Variants in TMX3 observed in about 807,000 individuals in gnomAD.
The protein encoded by TMX3 is protein disulfide-isomerase TMX3.
TMX3 carries 40 observed loss-of-function variants against 64.4 expected under a neutral mutation model. That is an observed-to-expected ratio of 0.62 (90% confidence interval 0.48 to 0.81). TMX3 has a LOEUF of 0.81. Ranked by LOEUF, TMX3 falls within the 30% of genes least tolerant of loss-of-function variation. The pLI is 0.00. For missense variants in TMX3, 497 were observed against 534.5 expected, an observed-to-expected ratio of 0.93 and a Z score of 0.69; for synonymous variants, 189 against 175.7, an observed-to-expected ratio of 1.08 and a Z score of -0.60.
chr18:68,700,123 G>A (rs922995954), intron 6 of TMX3, among the ~76,000 whole-genome samples: 3 of 151,942 alleles, frequency 2.0e-5, no homozygotes, highest in Non-Finnish European at 2.9e-5. Context: ...ACACGTAATC[G>A]AAATCTGGAA....
chr18:68,697,292 T>C lies in TMX3; in HGVS notation c.504A>G (p.Ile168Met). 2 of 1,562,890 alleles carry C rather than the reference T, an allele frequency of 1.3e-6. No homozygotes were observed. Among genetic ancestry groups the C allele is most frequent in the Middle Eastern group, 1.7e-4 (1 of 5,896 alleles). Residue 168 changes from isoleucine to methionine, a missense_variant, in exon 8 of 16, where the codon ATA (isoleucine) becomes ATG (methionine). By Grantham distance (10) the Ile-to-Met change is conservative (BLOSUM62 1). Coordinates refer to ENST00000299608, the MANE Select transcript of TMX3 (RefSeq NM_019022.5). ...GGESPLKEKYIDAASELIVYT... is the reference protein window; with the variant it reads ...GGESPLKEKYMDAASELIVYT... ...ATACAATCAATTCTGAAGCAGCATC[T>C]ATGTATTTCTCCTATGAAGATACAA...
At chr18:68,705,399 G>A (rs2030565500) in intron 4 of TMX3, among the ~76,000 whole-genome samples, 1 of 152,192 alleles carries the variant, frequency 6.6e-6, no homozygotes, top group Non-Finnish European at 1.5e-5. Context: ...CCCTGAAACA[G>A]TCACTGACCA....
chr18:68,687,369 G>T (rs1238746633), intron 10 of TMX3: 2 of 985,178 alleles, frequency 2.0e-6, no homozygotes, highest in African/African-American at 3.5e-5. Context: ...TACAAAATCA[G>T]TTCTGAGTAC....
rs1262147001 is a variant in TMX3 at position 68,682,832 on chromosome 18, AT to A, written c.905+92del. 9.5e-6 allele frequency: 10 copies of A among 1,057,718 alleles called. No homozygotes were observed. The African/African-American group carries it at 1.3e-4, about 14-fold the overall frequency. 65.5% of individuals were successfully genotyped at this position (1,057,718 alleles called of 1,614,324 possible). On this transcript the variant is annotated intron_variant, in intron 13 of 15. Transcript: ENST00000299608. ...CATCTGAATATGTCAACTGTTTGCT[AT>A]TTTTCAGCTATTTAATCCTTCTACC...
At chr18:68,677,753 A>C (rs1913059842) in intron 15 of TMX3, among the ~76,000 whole-genome samples, 1 of 152,184 alleles carries the variant, frequency 6.6e-6, no homozygotes, top group African/African-American at 2.4e-5. Context: ...TTCAACTAGA[A>C]TATACTGCAT....
At position 68,679,535 on chromosome 18, in the gene TMX3, C is replaced by CA. The variant is rs1913225331; in HGVS notation, c.1036-5dup. ...AAATGCTATCACCTCCTTGGGCCTT[C>CA]AAAAAAGGAAAAGAAAAATAAATTA... On this transcript the variant is annotated splice_polypyrimidine_tract_variant and splice_region_variant and intron_variant, in intron 14 of 15. Transcript: ENST00000299608. The CA allele has an allele frequency of 6.2e-7, 1 of 1,606,430 alleles. No individual in the cohort carries two copies. Among genetic ancestry groups the CA allele is most frequent in the Admixed American group, 1.7e-5 (1 of 58,690 alleles).
At chr18:68,680,889 C>A in intron 14 of TMX3, 92 bp downstream of exon 14, 1 of 1,307,884 alleles carries the variant, frequency 7.6e-7, no homozygotes, top group Non-Finnish European at 1.0e-6. Flanking sequence ...TGATGGCCAA[C>A]TATTCTTTTC....
At chr18:68,697,177 T>C in intron 8 of TMX3, 49 bp downstream of exon 8, 1 of 948,382 alleles carries the variant, frequency 1.1e-6, no homozygotes. Flanking sequence ...AATCAAGTAA[T>C]AATTTAATAA....
chr18:68,677,195 T>C lies in TMX3; in HGVS notation c.1105-2A>G. ...CAGTGGTGAGCTCTTGAATATAGACTGTGGAAAGAGAATTAAAACTCAGTT... is the reference window on the plus strand; with the variant it reads ...CAGTGGTGAGCTCTTGAATATAGACCGTGGAAAGAGAATTAAAACTCAGTT... On this transcript the variant is annotated splice_acceptor_variant, in intron 15 of 15. Transcript: ENST00000299608. LOFTEE classifies it high-confidence loss of function. 6.2e-7 allele frequency: 1 copy of C among 1,610,300 alleles called. No individual in the cohort carries two copies. The highest frequency in any genetic ancestry group is 8.5e-7 in the Non-Finnish European group (1 of 1,178,432).
intron 13 of TMX3, chr18:68,681,590 T>C (rs1276717348): frequency 1.0e-6 from 1 of 985,422 alleles, no homozygotes; most frequent in Non-Finnish European, 1.2e-6. Flanking sequence ...ATGCTACATT[T>C]CAAGATTTAG....
At chr18:68,680,546 T>C (rs980330169) in intron 14 of TMX3, among the ~76,000 whole-genome samples, 4 of 152,328 alleles carry the variant, frequency 2.6e-5, no homozygotes, top group African/African-American at 4.8e-5. Context: ...GAAATTGTCA[T>C]CTTATTTGCA....
Position 68,675,036 on chromosome 18 carries a change from A to G in TMX3, c.*1897T>C, listed in dbSNP as rs184123199. ...ACAAGACAAAAATATGTAAATGACT[A>G]ATTATAAATATGAAAAAATTCAGTG... On this transcript the variant is annotated 3_prime_UTR_variant, in exon 16 of 16. Coordinates refer to ENST00000299608, the MANE Select transcript of TMX3 (RefSeq NM_019022.5). 6.6e-6 allele frequency: 1 copy of G among 152,282 alleles called. No individual in the cohort carries two copies. The allele number at this position is 152,282 out of a possible 1,614,324, so 9.4% of individuals were successfully genotyped here. A position where few individuals can be genotyped will look rare whatever the true frequency, so the allele number is the denominator to read the frequency against.
At chr18:68,705,783 T>A (rs1334196737) in intron 4 of TMX3, among the ~76,000 whole-genome samples, 4 of 152,190 alleles carry the variant, frequency 2.6e-5, no homozygotes, top group African/African-American at 9.7e-5. Context: ...TCAAGACATT[T>A]TGGTACAATT....
chr18:68,679,607 T>C, intron 14 of TMX3, 76 bp from the exon 15 acceptor site: 3 of 1,281,908 alleles, frequency 2.3e-6, no homozygotes, highest in Non-Finnish European at 3.3e-6. Context: ...AACCTTACAA[T>C]TGCAGGCCAA....
intron 13 of TMX3, 48 bp from the exon 14 acceptor site, chr18:68,681,158 C>T: frequency 7.0e-7 from 1 of 1,418,510 alleles, no homozygotes. Flanking sequence ...ACAGCAATAG[C>T]AAGTATTCTG....
Position 68,701,735 on chromosome 18 carries a change from C to G in TMX3, c.311+10G>C. ...AAAATACACATATAAACATACAACA[C>G]TCAACTTACAGCTTAATTGTTGGAT... On this transcript the variant is annotated intron_variant, in intron 5 of 15. Coordinates refer to ENST00000299608, the MANE Select transcript of TMX3 (RefSeq NM_019022.5). 1 of 1,611,710 alleles carries G rather than the reference C, an allele frequency of 6.2e-7. No homozygotes were observed. The highest frequency in any genetic ancestry group is 8.5e-7 in the Non-Finnish European group (1 of 1,178,650).
intron 15 of TMX3, among the ~76,000 whole-genome samples, chr18:68,678,879 T>G (rs953596976): frequency 6.6e-6 from 1 of 151,376 alleles, no homozygotes; most frequent in African/African-American, 2.4e-5. Flanking sequence ...CACATTTTAA[T>G]TCCACATTTA....
intron 10 of TMX3, among the ~76,000 whole-genome samples, chr18:68,686,115 AG>A (rs1715634865): frequency 6.6e-6 from 1 of 152,112 alleles, no homozygotes; most frequent in Non-Finnish European, 1.5e-5. Flanking sequence ...AAAAGACATG[AG>A]GTGTCTGAAG....
chr18:68,691,127 A>G (rs955714044), intron 9 of TMX3, 168 bp downstream of exon 9: 1 of 418,556 alleles, frequency 2.4e-6, no homozygotes, highest in Non-Finnish European at 4.3e-6. Context: ...ATAACTAACA[A>G]TTATAAGTTG....
Sources: allele counts gnomAD v4.1 joint callset (sites outside exome capture counted in the v4.1 genomes callset), GRCh38; gene constraint gnomAD v4.1.1; transcripts MANE v1.5; gene names NCBI Gene and HGNC (gene_info 2026-07-23, HGNC 2026-07-21).